DGKB: variants seen among roughly 807,000 people sequenced by gnomAD.
DGKB encodes the protein diacylglycerol kinase beta, also known as 90 kDa diacylglycerol kinase.
Under a neutral mutation model 114.3 loss-of-function variants are expected in DGKB, and 67 were observed. That is an observed-to-expected ratio of 0.59 (90% CI 0.48 to 0.72). DGKB has a LOEUF of 0.72. Ranked by LOEUF, DGKB falls within the 30% of genes least tolerant of loss-of-function variation. DGKB has a pLI of 0.00. For synonymous variants in DGKB, 398 were observed against 323.1 expected (o/e 1.23, Z -2.49); for missense variants, 907 against 975.2 (o/e 0.93, Z 0.93).
chr7:14,707,312 G>C (rs1487414484), intron 6 of DGKB, among the ~76,000 whole-genome samples: 5 of 150,120 alleles, frequency 3.3e-5, no homozygotes, highest in South Asian at 2.2e-4. Context: ...AGCTGAAATT[G>C]TGGCAATAAT....
intron 1 of DGKB, among the ~76,000 whole-genome samples, chr7:14,932,642 G>T (rs977685571): frequency 6.6e-6 from 1 of 152,124 alleles, no homozygotes; most frequent in South Asian, 2.1e-4. Flanking sequence ...ATCATGCTAG[G>T]AATTTCAAAC....
chr7:14,320,530 G>A (rs138797446), intron 23 of DGKB, among the ~76,000 whole-genome samples: 16 of 151,388 alleles, frequency 1.1e-4, no homozygotes, highest in South Asian at 6.3e-4. Context: ...TATATGTACC[G>A]CATATGCGGT....
chr7:14,839,105 T>G (rs116692821), intron 2 of DGKB, among the ~76,000 whole-genome samples: 2 of 152,126 alleles, frequency 1.3e-5, no homozygotes, highest in Non-Finnish European at 2.9e-5. Context: ...TGGCTAGACA[T>G]AGAATTATTT....
At chr7:14,203,134 G>A (rs1366125380) in intron 23 of DGKB, among the ~76,000 whole-genome samples, 6 of 106,448 alleles carry the variant, frequency 5.6e-5, no homozygotes, top group Admixed American at 1.1e-4. Context: ...TCTCTACTTC[G>A]GGGCCAGTAT....
chr7:14,928,215 G>A (rs1784838004), intron 1 of DGKB, among the ~76,000 whole-genome samples: 1 of 151,914 alleles, frequency 6.6e-6, no homozygotes, highest in South Asian at 2.1e-4. Flanking sequence ...TGTAGAGCTT[G>A]CATCCTAGTG....
chr7:14,502,485 C>A (rs966758184), intron 20 of DGKB, among the ~76,000 whole-genome samples: 6 of 152,052 alleles, frequency 3.9e-5, no homozygotes, highest in African/African-American at 1.4e-4. Context: ...TTTGAAGTCA[C>A]ATGTTACACA....
chr7:14,631,089 T>C (rs768957707), intron 13 of DGKB, among the ~76,000 whole-genome samples: 1 of 151,446 alleles, frequency 6.6e-6, no homozygotes, highest in Non-Finnish European at 1.5e-5. Flanking sequence ...TTCTTAGATA[T>C]TTGTGTCCCT....
chr7:14,773,872 C>T lies in DGKB; in HGVS notation c.71-16141G>A, dbSNP rs185254902. On this transcript the variant is annotated intron_variant, in intron 2 of 25. Coordinates refer to ENST00000402815, the MANE Select transcript of DGKB (RefSeq NM_001350709.2). ...TTGTTAGTGCTAAACAGTTACATTTCCATGAACCCACATTGCCTTTTAAGT... is the reference window on the plus strand; with the variant it reads ...TTGTTAGTGCTAAACAGTTACATTTTCATGAACCCACATTGCCTTTTAAGT... Among the ~76,000 whole-genome samples, 672 of 152,168 alleles carry T rather than the reference C, an allele frequency of 4.4e-3. 8 individuals are homozygous for T. The highest frequency in any genetic ancestry group is 0.015 in the African/African-American group (629 of 41,502).
At chr7:14,217,608 A>T (rs1489917175) in intron 23 of DGKB, among the ~76,000 whole-genome samples, 2 of 152,046 alleles carry the variant, frequency 1.3e-5, no homozygotes, top group East Asian at 1.9e-4. Context: ...TAAAAAAAAA[A>T]CTAGAACGTA....
At chr7:14,241,917 T>TAC (rs1329063591) in intron 23 of DGKB, among the ~76,000 whole-genome samples, 11 of 95,438 alleles carry the variant, frequency 1.2e-4, no homozygotes, top group African/African-American at 5.5e-4. Context: ...CATCAAGATA[T>TAC]ATACACACAC....
At chr7:14,646,873 TA>T (rs1465364381) in intron 13 of DGKB, among the ~76,000 whole-genome samples, 1 of 151,498 alleles carries the variant, frequency 6.6e-6, no homozygotes, top group Non-Finnish European at 1.5e-5. Flanking sequence ...TATAAAAAAT[TA>T]AAATATTTAA....
At chr7:14,773,313 A>G (rs1398940425) in intron 2 of DGKB, among the ~76,000 whole-genome samples, 1 of 152,138 alleles carries the variant, frequency 6.6e-6, no homozygotes, top group Non-Finnish European at 1.5e-5. Context: ...TCATAGGTTG[A>G]GAATGCATTC....
At chr7:14,278,362 A>G (rs1799339974) in intron 23 of DGKB, among the ~76,000 whole-genome samples, 2 of 152,242 alleles carry the variant, frequency 1.3e-5, no homozygotes, top group South Asian at 4.1e-4. Context: ...AATTGATTTT[A>G]GGCAAAGATG....
intron 21 of DGKB, among the ~76,000 whole-genome samples, chr7:14,374,490 A>T (rs1055255817): frequency 6.6e-6 from 1 of 152,172 alleles, no homozygotes; most frequent in Admixed American, 6.5e-5. Context: ...AACAGAAATC[A>T]AGTCTTGCCA....
intron 23 of DGKB, among the ~76,000 whole-genome samples, chr7:14,276,187 G>C: frequency 6.6e-6 from 1 of 152,132 alleles, no homozygotes; most frequent in Non-Finnish European, 1.5e-5. Context: ...TTTGGTAACA[G>C]AAAAATTTCC....
At chr7:14,773,792 T>A (rs1197163561) in intron 2 of DGKB, among the ~76,000 whole-genome samples, 3 of 152,024 alleles carry the variant, frequency 2.0e-5, no homozygotes, top group African/African-American at 4.8e-5. Context: ...TAAATAAATA[T>A]ATATATATAC....
chr7:14,831,740 A>T (rs1055185006), intron 2 of DGKB, among the ~76,000 whole-genome samples: 22 of 152,102 alleles, frequency 1.4e-4, no homozygotes, highest in African/African-American at 5.1e-4. Flanking sequence ...GTTATTACAG[A>T]AATATTTCAG....
rs551144953 is a variant in DGKB at position 14,593,012 on chromosome 7, T to G, written c.1434-9875A>C. ...AGACATTCCATGTGGCTAAGTGGGA[T>G]AGTTATAAAAAATTAATTTGAATTA... is the stretch of plus-strand genomic sequence containing the variant. On this transcript the variant is annotated intron_variant, in intron 17 of 25. Coordinates refer to ENST00000402815, the MANE Select transcript of DGKB (RefSeq NM_001350709.2). 3.3e-5 allele frequency among the ~76,000 whole-genome samples: 5 copies of G among 152,152 alleles called. No homozygotes were observed. In the South Asian group the frequency reaches 1.0e-3, roughly 32 times the overall value.
chr7:14,826,953 T>G (rs1269049742), intron 2 of DGKB, among the ~76,000 whole-genome samples: 2 of 152,152 alleles, frequency 1.3e-5, no homozygotes, highest in Non-Finnish European at 2.9e-5. Flanking sequence ...TAGTGAGCCA[T>G]CTTTTGCTCT....
Sources: allele counts gnomAD v4.1 joint callset (sites outside exome capture counted in the v4.1 genomes callset), GRCh38; gene constraint gnomAD v4.1.1; transcripts MANE v1.5; gene names NCBI Gene and HGNC (gene_info 2026-07-23, HGNC 2026-07-21).